Variants in ARMH3 observed in about 807,000 individuals in gnomAD.
ARMH3 encodes the protein armadillo like helical domain containing 3.
In ARMH3, 60 loss-of-function variants were observed where a neutral mutation model predicts 99.1. That is an observed-to-expected ratio of 0.61 (90% CI 0.49 to 0.75). The LOEUF (loss-of-function observed/expected upper bound fraction) is 0.75, where lower values mean the gene tolerates loss of function less well. ARMH3 is among the 30% of genes least tolerant of loss of function. The probability of loss-of-function intolerance (pLI) is 0.00; values close to 1 mark genes in which losing one functional copy is unlikely to be tolerated. For synonymous variants in ARMH3, 285 were observed against 292.8 expected, an observed-to-expected ratio of 0.97 and a Z score of 0.27; for missense variants, 679 against 843.1, an observed-to-expected ratio of 0.81 and a Z score of 2.41.
chr10:101,947,006 G>A (rs924012588), intron 22 of ARMH3, among the ~76,000 whole-genome samples: 1 of 151,868 alleles, frequency 6.6e-6, no homozygotes, highest in East Asian at 1.9e-4. Flanking sequence ...TGGCCAAGAT[G>A]GTGAAACCCC....
At chr10:101,958,282 T>C (rs1255384464) in intron 20 of ARMH3, among the ~76,000 whole-genome samples, 1 of 152,210 alleles carries the variant, frequency 6.6e-6, no homozygotes, top group African/African-American at 2.4e-5. Flanking sequence ...GCTCTAACTA[T>C]TCAAACAAAG....
chr10:102,033,137 A>G lies in ARMH3; in HGVS notation c.195T>C (p.Ser65=). ...NLEYLEGKLE[S]LDGEELMKIK... ...TCTTCATTAACTCCTCACCATCAAG[A>G]GATTCCAGCTTGCCTTCTAGGTACT... Residue 65 remains serine (S), a synonymous_variant, in exon 4 of 26, where the codon TCT becomes TCC. Transcript: ENST00000370033. The G allele has an allele frequency of 6.2e-7, 1 of 1,614,218 alleles. No homozygotes were observed. Among genetic ancestry groups the G allele is most frequent in the South Asian group, 1.1e-5 (1 of 91,086 alleles).
intron 22 of ARMH3, among the ~76,000 whole-genome samples, chr10:101,951,361 A>G (rs1195483340): frequency 2.0e-5 from 3 of 151,908 alleles, no homozygotes; most frequent in Non-Finnish European, 4.4e-5. Context: ...CTTGAGCCCA[A>G]GAGTTCGAGA....
At chr10:101,865,816 T>C (rs567232352) in intron 24 of ARMH3, among the ~76,000 whole-genome samples, 1 of 152,090 alleles carries the variant, frequency 6.6e-6, no homozygotes, top group African/African-American at 2.4e-5. Flanking sequence ...AGCCATCTCC[T>C]GTTGCTAGTG....
chr10:101,869,956 C>G (rs1435893716), intron 24 of ARMH3, among the ~76,000 whole-genome samples: 6 of 152,194 alleles, frequency 3.9e-5, no homozygotes, highest in Non-Finnish European at 8.8e-5. Context: ...TCACTTGATC[C>G]TGGGAAGTGG....
At chr10:101,958,683 G>T (rs1386935165) in intron 20 of ARMH3, among the ~76,000 whole-genome samples, 1 of 151,872 alleles carries the variant, frequency 6.6e-6, no homozygotes, top group African/African-American at 2.4e-5. Context: ...CCAAGAAAAG[G>T]CTTGACCTCT....
At chr10:102,021,549 A>ATTT (rs879374407) in intron 8 of ARMH3, among the ~76,000 whole-genome samples, 1 of 141,122 alleles carries the variant, frequency 7.1e-6, no homozygotes, top group Non-Finnish European at 1.6e-5. Flanking sequence ...CAACCAGCTA[A>ATTT]TTTTTTTTTT....
intron 23 of ARMH3, among the ~76,000 whole-genome samples, chr10:101,913,479 T>A (rs1842954246): frequency 6.8e-6 from 1 of 146,546 alleles, no homozygotes; most frequent in African/African-American, 2.5e-5. Flanking sequence ...GATCTTCCCA[T>A]CTCAGCATCC....
At chr10:102,050,259 G>A (rs910849351) in intron 1 of ARMH3, among the ~76,000 whole-genome samples, 1 of 151,808 alleles carries the variant, frequency 6.6e-6, no homozygotes, top group South Asian at 2.1e-4. Context: ...TGGCTAACAC[G>A]GTGAAACCCC....
At chr10:101,944,429 A>T (rs922228822) in intron 22 of ARMH3, among the ~76,000 whole-genome samples, 1 of 151,636 alleles carries the variant, frequency 6.6e-6, no homozygotes, top group Non-Finnish European at 1.5e-5. Context: ...AGATTCAAAA[A>T]GTTCTAAGAA....
rs576983492 is a variant in ARMH3 at position 101,929,305 on chromosome 10, C to T, written c.1781+10558G>A. ...GTAAAGGAAAAGAAATAGCTGTGGGCTATTAGCTCACCAAGGAATAAAGCA... is the reference window on the plus strand; with the variant it reads ...GTAAAGGAAAAGAAATAGCTGTGGGTTATTAGCTCACCAAGGAATAAAGCA... On this transcript the variant is annotated intron_variant, in intron 23 of 25. Coordinates refer to ENST00000370033, the MANE Select transcript of ARMH3 (RefSeq NM_024541.3). 3.3e-5 allele frequency among the ~76,000 whole-genome samples: 5 copies of T among 152,306 alleles called. No individual in the cohort carries two copies. The South Asian group carries it at 8.3e-4, about 25-fold the overall frequency.
chr10:101,917,111 T>C (rs1471182014), intron 23 of ARMH3, among the ~76,000 whole-genome samples: 2 of 152,206 alleles, frequency 1.3e-5, no homozygotes, highest in African/African-American at 4.8e-5. Context: ...GTATATTTTA[T>C]TGGTCTGTTT....
chr10:102,036,240 C>A (rs1310574432), intron 2 of ARMH3, among the ~76,000 whole-genome samples: 1 of 150,726 alleles, frequency 6.6e-6, no homozygotes, highest in African/African-American at 2.4e-5. Flanking sequence ...CCAGCCGCCC[C>A]GTCCGGGAGG....
chr10:101,960,394 T>C (rs1238974386), intron 20 of ARMH3, among the ~76,000 whole-genome samples: 1 of 152,184 alleles, frequency 6.6e-6, no homozygotes. Context: ...TGACCTGATA[T>C]GATGGGAGTT....
intron 24 of ARMH3, among the ~76,000 whole-genome samples, chr10:101,880,409 T>C (rs944565103): frequency 6.6e-6 from 1 of 152,164 alleles, no homozygotes; most frequent in Non-Finnish European, 1.5e-5. Flanking sequence ...ATGGGGAAAG[T>C]GGGTCACATT....
At chr10:102,043,600 C>A (rs1417513694) in intron 1 of ARMH3, among the ~76,000 whole-genome samples, 1 of 152,172 alleles carries the variant, frequency 6.6e-6, no homozygotes, top group Non-Finnish European at 1.5e-5. Context: ...AAGAAACATT[C>A]TGTGACTATG....
chr10:102,001,736 A>G (rs1187501126), intron 15 of ARMH3, among the ~76,000 whole-genome samples: 1 of 151,998 alleles, frequency 6.6e-6, no homozygotes, highest in Admixed American at 6.6e-5. Context: ...AAAGAGACCA[A>G]TTTTTTTCCT....
At chr10:102,013,383 G>A (rs1590183334) in intron 9 of ARMH3, among the ~76,000 whole-genome samples, 1 of 152,234 alleles carries the variant, frequency 6.6e-6, no homozygotes. Flanking sequence ...ATAACACAAA[G>A]ATCAATTAAG....
At chr10:101,999,731 G>A (rs1009657214) in intron 15 of ARMH3, among the ~76,000 whole-genome samples, 1 of 152,140 alleles carries the variant, frequency 6.6e-6, no homozygotes, top group African/African-American at 2.4e-5. Context: ...AACTTTAGGT[G>A]ATACATGTTA....
Sources: allele counts gnomAD v4.1 joint callset (sites outside exome capture counted in the v4.1 genomes callset), GRCh38; gene constraint gnomAD v4.1.1; transcripts MANE v1.5; gene names NCBI Gene and HGNC (gene_info 2026-07-23, HGNC 2026-07-21).